The following POM121C variants were observed in gnomAD, a reference collection of about 807,000 sequenced individuals.
The protein encoded by POM121C is nuclear envelope pore membrane protein POM 121C.
Under a neutral mutation model 66.4 loss-of-function variants are expected in POM121C, and 20 were observed. The ratio of observed to expected loss-of-function variants is 0.30; its 90% CI spans 0.21 to 0.44. The LOEUF (loss-of-function observed/expected upper bound fraction) is 0.44. Ranked by LOEUF, POM121C falls within the 20% of genes least tolerant of loss-of-function variation. POM121C has a pLI of 1.00. For missense variants in POM121C, 580 were observed against 1,225.7 expected (o/e 0.47, Z 7.87); for synonymous variants, 286 against 528.0 (o/e 0.54, Z 6.28).
chr7:75,449,124 T>TGTGG (rs1267624591), intron 3 of POM121C, among the ~76,000 whole-genome samples: 1 of 148,990 alleles, frequency 6.7e-6, no homozygotes, highest in Non-Finnish European at 1.5e-5. Context: ...GCATTCGCAG[T>TGTGG]GTGGGGCCTC....
chr7:75,442,021 G>A lies in POM121C; in HGVS notation c.-151-374C>T, dbSNP rs1389276545. Reference sequence around the variant, plus strand: ...GGCTGGCACACACCAAGGTGTTAAGGAGGGCAAAACCACACACAATTCCCT... The same window carrying A: ...GGCTGGCACACACCAAGGTGTTAAGAAGGGCAAAACCACACACAATTCCCT... On this transcript the variant is annotated intron_variant, in intron 3 of 14. Transcript: ENST00000615331. 4 of 800,014 alleles carry A rather than the reference G, an allele frequency of 5.0e-6. No individual in the cohort carries two copies. The African/African-American group carries it at 7.1e-5, about 14-fold the overall frequency. The allele number at this position is 800,014 out of a possible 1,614,324, so 49.6% of individuals were successfully genotyped here. A position where few individuals can be genotyped will look rare whatever the true frequency, so the allele number is the denominator to read the frequency against.
At chr7:75,432,927 G>A (rs1554472542) in intron 7 of POM121C, among the ~76,000 whole-genome samples, 1 of 152,048 alleles carries the variant, frequency 6.6e-6, no homozygotes, top group Non-Finnish European at 1.5e-5. Context: ...GCACGTTACC[G>A]ATTCTAACAA....
chr7:75,471,721 C>T (rs1485462612), intron 3 of POM121C, among the ~76,000 whole-genome samples: 1 of 152,106 alleles, frequency 6.6e-6, no homozygotes, highest in Non-Finnish European at 1.5e-5. Context: ...AAAGCACGAC[C>T]TGCCAGAGCG....
At chr7:75,439,523 C>T (rs1790547435) in intron 5 of POM121C, among the ~76,000 whole-genome samples, 1 of 152,172 alleles carries the variant, frequency 6.6e-6, no homozygotes, top group African/African-American at 2.4e-5. Context: ...GCAGCTGGGA[C>T]TACAAGTATG....
At position 75,462,252 on chromosome 7, in the gene POM121C, TC is replaced by T. The variant is rs587665204; in HGVS notation, c.-152+12451del. Reference sequence around the variant, plus strand: ...TTAAGTGGCAGTTTCCCCTGCACTCTCCCCTCTCTCCTGCCAGCCAGTGAAG... The same window carrying T: ...TTAAGTGGCAGTTTCCCCTGCACTCTCCCTCTCTCCTGCCAGCCAGTGAAG... On this transcript the variant is annotated intron_variant, in intron 3 of 14. Transcript: ENST00000615331. 1.5e-3 allele frequency among the ~76,000 whole-genome samples: 224 copies of T among 152,052 alleles called. 1 individual carries two copies. Among genetic ancestry groups the T allele is most frequent in the African/African-American group, 4.8e-3 (197 of 41,378 alleles).
In POM121C at chr7:75,419,303, G is replaced by A. The variant is rs782181902; in HGVS notation, c.2866+17C>T. Reference sequence around the variant, plus strand: ...CTCAGACAGACGAGCAGGGCCACAGGGTGGCTTGCTGCTTACCGAACGGTC... The same window carrying A: ...CTCAGACAGACGAGCAGGGCCACAGAGTGGCTTGCTGCTTACCGAACGGTC... On this transcript the variant is annotated intron_variant, in intron 14 of 14. Transcript: ENST00000615331. 4 of 1,605,918 alleles carry A rather than the reference G, an allele frequency of 2.5e-6. No homozygotes were observed. Among genetic ancestry groups the A allele is most frequent in the Non-Finnish European group, 3.4e-6 (4 of 1,176,140 alleles).
rs782030559 is a variant in POM121C at position 75,442,475 on chromosome 7, AAGG to A, written c.-151-831_-151-829del. 2.3e-3 allele frequency: 3,278 copies of A among 1,414,850 alleles called. 35 individuals are homozygous for A. The African/African-American group carries it at 0.044, about 19-fold the overall frequency. The allele number at this position is 1,414,850 out of a possible 1,614,324, so 87.6% of individuals were successfully genotyped here. A position where few individuals can be genotyped will look rare whatever the true frequency, so the allele number is the denominator to read the frequency against. ...TCGCCGATGTCGCGCCTTCTGAACG[AAGG>A]AGGACAAGGGGCGCGAACCTCGGGG... On this transcript the variant is annotated intron_variant, in intron 3 of 14. Transcript: ENST00000615331.
chr7:75,437,338 C>G (rs1445383021), intron 7 of POM121C, among the ~76,000 whole-genome samples, 177 bp downstream of exon 7: 1 of 152,178 alleles, frequency 6.6e-6, no homozygotes, highest in Non-Finnish European at 1.5e-5. Flanking sequence ...TTCTTTTGTA[C>G]AGACAAGGTC....
At chr7:75,469,362 T>G (rs1303477267) in intron 3 of POM121C, among the ~76,000 whole-genome samples, 4 of 152,164 alleles carry the variant, frequency 2.6e-5, no homozygotes, top group Non-Finnish European at 4.4e-5. Context: ...CCTCCCAAAG[T>G]GCTCAGATTA....
intron 3 of POM121C, among the ~76,000 whole-genome samples, chr7:75,452,279 G>A (rs1332249023): frequency 2.1e-3 from 322 of 151,712 alleles, no homozygotes; most frequent in Admixed American, 3.5e-3. Flanking sequence ...CCAACATGGG[G>A]AAATCCCATC....
In POM121C at chr7:75,444,248, G is replaced by GA. The variant is rs1194807743; in HGVS notation, c.-151-2602dup. The stretch of plus-strand genomic sequence containing the variant: ...TGTGACTTCACATAAGACTTAATTT[G>GA]AAAAAAAAAGGGGGGGGGGGGCGGA... On this transcript the variant is annotated intron_variant, in intron 3 of 14. Transcript: ENST00000615331. 2.0e-3 allele frequency among the ~76,000 whole-genome samples: 67 copies of GA among 32,800 alleles called. 1 individual carries two copies. The highest frequency in any genetic ancestry group is 5.0e-3 in the African/African-American group (50 of 10,074). The allele number at this position is 32,800 out of a possible 152,430, so 21.5% of individuals were successfully genotyped here.
intron 1 of POM121C, among the ~76,000 whole-genome samples, chr7:75,478,620 C>G (rs1164132708): frequency 6.6e-6 from 1 of 151,504 alleles, no homozygotes; most frequent in Admixed American, 6.6e-5. Flanking sequence ...ACAGATAGTA[C>G]AATATCTGAG....
intron 5 of POM121C, 168 bp downstream of exon 5, chr7:75,440,786 A>C: frequency 8.6e-7 from 1 of 1,161,846 alleles, no homozygotes; most frequent in East Asian, 2.3e-5. Context: ...CCTTGAAATG[A>C]ACAGCATTAA....
At chr7:75,419,289 G>C in intron 14 of POM121C, 31 bp downstream of exon 14, 1 of 1,595,478 alleles carries the variant, frequency 6.3e-7, no homozygotes, top group East Asian at 2.2e-5. Context: ...TCAGACAGAC[G>C]AGCAGGGCCA....
intron 13 of POM121C, 52 bp from the exon 14 acceptor site, chr7:75,419,494 C>T (rs587606018): frequency 5.3e-5 from 84 of 1,598,472 alleles, no homozygotes; most frequent in South Asian, 4.4e-4. Context: ...CGGAGGCAGG[C>T]GAGGAGCCGG....
In POM121C at chr7:75,485,988, C is replaced by T. The variant is rs191149984; in HGVS notation, c.-582G>A. 1,716 of 491,244 alleles carry T rather than the reference C, an allele frequency of 3.5e-3. 25 individuals are homozygous for T. Among genetic ancestry groups the T allele is most frequent in the African/African-American group, 0.031 (1,572 of 51,512 alleles). The allele number at this position is 491,244 out of a possible 1,614,324, so 30.4% of individuals were successfully genotyped here. ...CACCTCACCAAGGCTGTTCTGCTCC[C>T]GAGGGGCCCGGGCCGGGCCTACGGG... On this transcript the variant is annotated 5_prime_UTR_variant, in exon 1 of 15. Coordinates refer to ENST00000615331, the MANE Select transcript of POM121C (RefSeq NM_001099415.3).
At chr7:75,478,448 T>G (rs1418098213) in intron 1 of POM121C, among the ~76,000 whole-genome samples, 2 of 150,402 alleles carry the variant, frequency 1.3e-5, no homozygotes, top group African/African-American at 2.5e-5. Flanking sequence ...GGCAGGAAAT[T>G]ACAACCCATA....
In POM121C at chr7:75,421,597, T is replaced by C. The variant is rs1789710460; in HGVS notation, c.2655A>G (p.Leu885=). 6.2e-7 allele frequency: 1 copy of C among 1,613,336 alleles called. No homozygotes were observed. ...TATSTPFTGG[L]GQNALGTTGQ... ...CGGTGGTGCCCAGGGCGTTCTGACC[T>C]AAGCCCCCTGTGAAGGGGGTGGAGG... The change falls in exon 13 of 15, where the codon TTA becomes TTG. Residue 885 remains leucine (L), a synonymous_variant. Coordinates refer to ENST00000615331, the MANE Select transcript of POM121C (RefSeq NM_001099415.3).
chr7:75,465,818 C>T (rs1338509302), intron 3 of POM121C, among the ~76,000 whole-genome samples: 2 of 139,538 alleles, frequency 1.4e-5, no homozygotes, highest in Non-Finnish European at 3.0e-5. Flanking sequence ...ATTGCTTGAG[C>T]CCAGGAATTC....
Sources: allele counts gnomAD v4.1 joint callset (sites outside exome capture counted in the v4.1 genomes callset), GRCh38; gene constraint gnomAD v4.1.1; transcripts MANE v1.5; gene names NCBI Gene and HGNC (gene_info 2026-07-23, HGNC 2026-07-21).